ZNF322: variants seen among roughly 807,000 people sequenced by gnomAD.
ZNF322 encodes the protein HLA complex group 12.
ZNF322 carries 1 observed loss-of-function variant against 18.3 expected under a neutral mutation model. That is an observed-to-expected ratio of 0.05 (90% confidence interval 0.02 to 0.26). The LOEUF (loss-of-function observed/expected upper bound fraction) is 0.26. ZNF322 is among the 10% of genes least tolerant of loss of function. The pLI, the probability that ZNF322 is intolerant of heterozygous loss-of-function variation, is 1.00. For missense variants in ZNF322, 36 were observed against 403.6 expected, an observed-to-expected ratio of 0.09 and a Z score of 7.80; for synonymous variants, 17 against 130.7, an observed-to-expected ratio of 0.13 and a Z score of 5.93.
chr6:26,659,650 G>T lies in ZNF322; in HGVS notation c.-544C>A. ...CCTAGACTAGAGGAGTTGGGGCCAG[G>T]CCGCCCACAGAGCGCTTTAACAGAG... On this transcript the variant is annotated 5_prime_UTR_variant, in exon 1 of 4. Coordinates refer to ENST00000415922, the MANE Select transcript of ZNF322 (RefSeq NM_024639.5). 1 of 165,720 alleles carries T rather than the reference G, an allele frequency of 6.0e-6. No individual in the cohort carries two copies. The allele number at this position is 165,720 out of a possible 1,614,324, so 10.3% of individuals were successfully genotyped here.
intron 3 of ZNF322, among the ~76,000 whole-genome samples, chr6:26,638,929 A>G (rs968955050): frequency 6.6e-6 from 1 of 152,214 alleles, no homozygotes; most frequent in Non-Finnish European, 1.5e-5. Context: ...ACTGCAAGTA[A>G]GAACTCTTTT....
Position 26,650,788 on chromosome 6 carries a change from G to T in ZNF322, c.-245-7060C>A, listed in dbSNP as rs187860358. ...TGAAAACTCTAAGAAATAAAAAAGA[G>T]AACTAAATAAATGGAGGGATATTCC... On this transcript the variant is annotated intron_variant, in intron 2 of 3. Transcript: ENST00000415922. Among the ~76,000 whole-genome samples the T allele has an allele frequency of 4.6e-4, 70 of 152,158 alleles. 1 individual carries two copies. The highest frequency in any genetic ancestry group is 1.5e-5 in the Non-Finnish European group (1 of 67,984).
intron 2 of ZNF322, among the ~76,000 whole-genome samples, chr6:26,653,830 T>G (rs1232346796): frequency 6.6e-6 from 1 of 152,154 alleles, no homozygotes; most frequent in African/African-American, 2.4e-5. Context: ...ATATTTTTAC[T>G]TTTAGAATTA....
At chr6:26,641,295 T>C (rs559425218) in intron 3 of ZNF322, among the ~76,000 whole-genome samples, 3 of 152,206 alleles carry the variant, frequency 2.0e-5, no homozygotes, top group African/African-American at 7.2e-5. Context: ...CTGAATGAGG[T>C]GGGAGTAGTG....
intron 2 of ZNF322, among the ~76,000 whole-genome samples, chr6:26,655,415 GAAAAGA>G (rs2113676458): frequency 6.6e-6 from 1 of 152,244 alleles, no homozygotes; most frequent in Admixed American, 6.5e-5. Context: ...TAGGGTTCTA[GAAAAGA>G]AGTCCCCAAA....
chr6:26,655,785 T>C (rs1351369414), intron 2 of ZNF322, among the ~76,000 whole-genome samples: 1 of 152,140 alleles, frequency 6.6e-6, no homozygotes, highest in African/African-American at 2.4e-5. Flanking sequence ...GTTTGGTCCC[T>C]TTCTGAGCAC....
Position 26,658,569 on chromosome 6 carries a change from A to T in ZNF322, c.-257T>A, listed in dbSNP as rs1765822662. The stretch of plus-strand genomic sequence containing the variant: ...GGTATACCACTTACCGTAACAAGAA[A>T]GACTCAAGACCATCTTCCTTTTGGT... On this transcript the variant is annotated 5_prime_UTR_variant, in exon 2 of 4. Coordinates refer to ENST00000415922, the MANE Select transcript of ZNF322 (RefSeq NM_024639.5). The T allele has an allele frequency of 6.0e-6, 1 of 166,500 alleles. No homozygotes were observed. The highest frequency in any genetic ancestry group is 2.4e-5 in the African/African-American group (1 of 41,440). The allele number at this position is 166,500 out of a possible 1,614,324, so 10.3% of individuals were successfully genotyped here.
At chr6:26,653,029 A>G (rs1379432986) in intron 2 of ZNF322, among the ~76,000 whole-genome samples, 1 of 152,240 alleles carries the variant, frequency 6.6e-6, no homozygotes, top group East Asian at 1.9e-4. Flanking sequence ...AGTTCTCACC[A>G]ATTAAATCTG....
chr6:26,651,869 T>C (rs1464028015), intron 2 of ZNF322, among the ~76,000 whole-genome samples: 1 of 152,232 alleles, frequency 6.6e-6, no homozygotes, highest in Non-Finnish European at 1.5e-5. Flanking sequence ...TCTCGCTCTG[T>C]GTCCCAGGCT....
At chr6:26,645,941 G>C (rs941784189) in intron 2 of ZNF322, among the ~76,000 whole-genome samples, 1 of 151,982 alleles carries the variant, frequency 6.6e-6, no homozygotes, top group Non-Finnish European at 1.5e-5. Context: ...TGAGGCAGGA[G>C]AATCACTTGA....
intron 3 of ZNF322, among the ~76,000 whole-genome samples, chr6:26,641,369 T>A (rs1554148278): frequency 6.6e-6 from 1 of 151,952 alleles, no homozygotes. Context: ...CCGCGGGACA[T>A]AATGGGAGAA....
chr6:26,655,499 A>G (rs143778670), intron 2 of ZNF322, among the ~76,000 whole-genome samples: 10 of 152,354 alleles, frequency 6.6e-5, no homozygotes, highest in African/African-American at 1.7e-4. Flanking sequence ...AGTACTGTAC[A>G]TGCATAGGAG....
At chr6:26,657,308 T>G (rs894408279) in intron 2 of ZNF322, among the ~76,000 whole-genome samples, 21 of 151,930 alleles carry the variant, frequency 1.4e-4, no homozygotes, top group African/African-American at 4.3e-4. Flanking sequence ...TCTAGCACAC[T>G]CAGAATAAAA....
chr6:26,644,418 G>T (rs75523987), intron 2 of ZNF322, among the ~76,000 whole-genome samples: 2 of 152,080 alleles, frequency 1.3e-5, no homozygotes, highest in Non-Finnish European at 2.9e-5. Flanking sequence ...TACAGCTGAG[G>T]CTCTCTATGA....
At chr6:26,645,849 T>A (rs1581491700) in intron 2 of ZNF322, among the ~76,000 whole-genome samples, 1 of 151,928 alleles carries the variant, frequency 6.6e-6, no homozygotes, top group Non-Finnish European at 1.5e-5. Flanking sequence ...CTGACCAACA[T>A]GGAGAAACCC....
At chr6:26,652,645 G>A (rs1310472283) in intron 2 of ZNF322, among the ~76,000 whole-genome samples, 4 of 151,792 alleles carry the variant, frequency 2.6e-5, no homozygotes, top group African/African-American at 4.8e-5. Context: ...AGCTGAGATC[G>A]CACCATTGCA....
chr6:26,643,722 T>C lies in ZNF322; in HGVS notation c.-239A>G, dbSNP rs1241684753. 4 of 158,904 alleles carry C rather than the reference T, an allele frequency of 2.5e-5. No homozygotes were observed. Among genetic ancestry groups the C allele is most frequent in the Admixed American group, 6.5e-5 (1 of 15,280 alleles). The allele number at this position is 158,904 out of a possible 1,614,324, so 9.8% of individuals were successfully genotyped here. On this transcript the variant is annotated 5_prime_UTR_variant, in exon 3 of 4. Coordinates refer to ENST00000415922, the MANE Select transcript of ZNF322 (RefSeq NM_024639.5). ...TGACAATTTGACTTCTCAAAGAAGA[T>C]AGCATTCTGTAAAACACAAAGACAA...
chr6:26,645,333 T>C (rs1392303493), intron 2 of ZNF322, among the ~76,000 whole-genome samples: 1 of 152,170 alleles, frequency 6.6e-6, no homozygotes, highest in East Asian at 1.9e-4. Context: ...AGCCATAAGC[T>C]ATCAAGGAGA....
At chr6:26,641,334 C>T (rs1292776538) in intron 3 of ZNF322, among the ~76,000 whole-genome samples, 2 of 152,000 alleles carry the variant, frequency 1.3e-5, no homozygotes, top group East Asian at 3.9e-4. Flanking sequence ...AACACAGATC[C>T]ACAAGAAATG....
Sources: allele counts gnomAD v4.1 joint callset (sites outside exome capture counted in the v4.1 genomes callset), GRCh38; gene constraint gnomAD v4.1.1; transcripts MANE v1.5; gene names NCBI Gene and HGNC (gene_info 2026-07-23, HGNC 2026-07-21).